Variants in ZNF804B observed in about 807,000 individuals in gnomAD.
ZNF804B encodes zinc finger 804B.
Under a neutral mutation model 101.4 loss-of-function variants are expected in ZNF804B, and 80 were observed. The observed-to-expected ratio is 0.79, with a 90% confidence interval of 0.66 to 0.95. The LOEUF is 0.95. ZNF804B is among the 40% of genes least tolerant of loss of function. The pLI is 0.00. For missense variants in ZNF804B, 1,673 were observed against 1,561.9 expected (o/e 1.07, Z -1.20); for synonymous variants, 622 against 558.8 (o/e 1.11, Z -1.59).
intron 1 of ZNF804B, among the ~76,000 whole-genome samples, chr7:88,872,945 T>C (rs1791861577): frequency 1.3e-5 from 2 of 152,014 alleles, no homozygotes; most frequent in Admixed American, 1.3e-4. Flanking sequence ...TGCATGTGTC[T>C]TTATAGCAGC....
Position 88,797,243 on chromosome 7 carries a change from C to T in ZNF804B, c.108+37159C>T, listed in dbSNP as rs185192743. Among the ~76,000 whole-genome samples, 224 of 151,996 alleles carry T rather than the reference C, an allele frequency of 1.5e-3. 1 individual carries two copies. The highest frequency in any genetic ancestry group is 2.5e-3 in the Non-Finnish European group (170 of 67,980). On this transcript the variant is annotated intron_variant, in intron 1 of 3. Transcript: ENST00000333190. The stretch of plus-strand genomic sequence containing the variant: ...AAGTCTTTTTACTCACTTTAATATG[C>T]CTTAAGGGTTCTTGATTTACACTAC...
At chr7:89,020,889 A>T (rs907644221) in intron 1 of ZNF804B, among the ~76,000 whole-genome samples, 1 of 152,098 alleles carries the variant, frequency 6.6e-6, no homozygotes, top group African/African-American at 2.4e-5. Context: ...TCATTTAATT[A>T]TCTATATTAT....
intron 1 of ZNF804B, among the ~76,000 whole-genome samples, chr7:89,176,575 C>CTTTTTTTTTTTTTTTTT (rs1791322565): frequency 1.3e-5 from 1 of 78,680 alleles, no homozygotes; most frequent in African/African-American, 5.2e-5. Context: ...TCTTTTTTTT[C>CTTTTTTTTTTTTTTTTT]TTTCTTTCTT....
chr7:89,057,171 A>T (rs987640068), intron 1 of ZNF804B, among the ~76,000 whole-genome samples: 1 of 152,126 alleles, frequency 6.6e-6, no homozygotes, highest in Non-Finnish European at 1.5e-5. Flanking sequence ...AACAATGGGG[A>T]TGAAAGTCAA....
At chr7:89,049,769 T>A (rs1307314657) in intron 1 of ZNF804B, among the ~76,000 whole-genome samples, 1 of 152,094 alleles carries the variant, frequency 6.6e-6, no homozygotes, top group South Asian at 2.1e-4. Flanking sequence ...CCCAGCACTT[T>A]GGGAGGCCAA....
chr7:89,143,004 T>C (rs879005107), intron 1 of ZNF804B, among the ~76,000 whole-genome samples: 3 of 151,982 alleles, frequency 2.0e-5, no homozygotes, highest in African/African-American at 7.2e-5. Flanking sequence ...AGCCCCTCTT[T>C]ACAAAACTCA....
chr7:88,872,500 G>C (rs964194205), intron 1 of ZNF804B, among the ~76,000 whole-genome samples: 38 of 151,426 alleles, frequency 2.5e-4, no homozygotes, highest in African/African-American at 6.1e-4. Context: ...TTAAGTTTTA[G>C]GGTACGTGTG....
intron 2 of ZNF804B, among the ~76,000 whole-genome samples, chr7:89,271,241 A>C (rs1381319672): frequency 6.6e-6 from 1 of 152,178 alleles, no homozygotes; most frequent in African/African-American, 2.4e-5. Flanking sequence ...GATACATCCC[A>C]TCAGTACCTA....
chr7:88,925,891 T>C (rs1266458978), intron 1 of ZNF804B, among the ~76,000 whole-genome samples: 1 of 152,102 alleles, frequency 6.6e-6, no homozygotes, highest in Non-Finnish European at 1.5e-5. Context: ...GTGACAAAGT[T>C]ATGATGCTAG....
intron 2 of ZNF804B, among the ~76,000 whole-genome samples, chr7:89,266,045 A>AT (rs1295027369): frequency 6.6e-6 from 1 of 152,070 alleles, no homozygotes; most frequent in Non-Finnish European, 1.5e-5. Flanking sequence ...CTAGGCTTAG[A>AT]TTTTTTTTCT....
At chr7:88,803,078 T>G (rs1454093497) in intron 1 of ZNF804B, among the ~76,000 whole-genome samples, 2 of 152,136 alleles carry the variant, frequency 1.3e-5, no homozygotes, top group African/African-American at 4.8e-5. Flanking sequence ...TCTAGCCATG[T>G]TTTAACTGGT....
intron 1 of ZNF804B, among the ~76,000 whole-genome samples, chr7:89,050,063 A>G (rs566670892): frequency 6.6e-6 from 1 of 152,270 alleles, no homozygotes; most frequent in East Asian, 1.9e-4. Flanking sequence ...AGATGGAAAA[A>G]GAAATAGTTT....
At chr7:88,834,170 AT>A (rs1352625395) in intron 1 of ZNF804B, among the ~76,000 whole-genome samples, 1 of 151,844 alleles carries the variant, frequency 6.6e-6, no homozygotes, top group Non-Finnish European at 1.5e-5. Flanking sequence ...TCTATATGGA[AT>A]TATTTTTTGT....
chr7:88,849,770 A>C (rs1195913990), intron 1 of ZNF804B, among the ~76,000 whole-genome samples: 1 of 151,650 alleles, frequency 6.6e-6, no homozygotes, highest in Non-Finnish European at 1.5e-5. Context: ...ATAGATGGAC[A>C]TTTCCATTCA....
At chr7:89,226,738 T>A (rs1428257866) in intron 2 of ZNF804B, among the ~76,000 whole-genome samples, 1 of 152,134 alleles carries the variant, frequency 6.6e-6, no homozygotes, top group African/African-American at 2.4e-5. Context: ...TACATTATTG[T>A]GACTTGTAAA....
chr7:89,330,531 T>C (rs1790963178), intron 3 of ZNF804B, among the ~76,000 whole-genome samples: 1 of 151,658 alleles, frequency 6.6e-6, no homozygotes, highest in African/African-American at 2.4e-5. Flanking sequence ...TTAATAATGT[T>C]ATAATACCCA....
intron 2 of ZNF804B, among the ~76,000 whole-genome samples, chr7:89,244,947 C>G (rs1317013550): frequency 3.3e-5 from 5 of 152,084 alleles, no homozygotes; most frequent in African/African-American, 1.2e-4. Flanking sequence ...GCAACTTACA[C>G]TGGCAAGAGG....
intron 2 of ZNF804B, among the ~76,000 whole-genome samples, chr7:89,238,188 G>A (rs1789313301): frequency 6.6e-6 from 1 of 152,074 alleles, no homozygotes; most frequent in South Asian, 2.1e-4. Flanking sequence ...GAGAACAAGG[G>A]CATTAATGAG....
In ZNF804B at chr7:88,777,580, C is replaced by T. The variant is rs191387172; in HGVS notation, c.108+17496C>T. Among the ~76,000 whole-genome samples, 152 of 152,194 alleles carry T rather than the reference C, an allele frequency of 1.0e-3. 1 individual carries two copies. The East Asian group carries it at 0.015, about 15-fold the overall frequency. On this transcript the variant is annotated intron_variant, in intron 1 of 3. Coordinates refer to ENST00000333190, the MANE Select transcript of ZNF804B (RefSeq NM_181646.5). The stretch of plus-strand genomic sequence containing the variant: ...GAAACTGGCCGGGTGCAGTGGCTCA[C>T]GCCTGTAATACCAGCACTTTGGGAG...
Sources: gnomAD v4.1 joint callset for allele counts (sites outside exome capture counted in the v4.1 genomes callset) on GRCh38, gnomAD v4.1.1 for gene constraint, MANE v1.5 for transcripts, NCBI Gene and HGNC (gene_info 2026-07-23, HGNC 2026-07-21) for gene names.